The following GFRAL variants were observed in gnomAD, a reference collection of about 807,000 sequenced individuals.
The protein encoded by GFRAL is GDNF family receptor alpha like.
A neutral mutation model predicts 45.4 loss-of-function variants in GFRAL; 36 were observed. The observed-to-expected ratio is 0.79, with a 90% CI of 0.61 to 1.05. The LOEUF (loss-of-function observed/expected upper bound fraction) is 1.05, where lower values mean the gene tolerates loss of function less well. GFRAL is among the 50% of genes least tolerant of loss of function. The pLI is 0.00. For missense variants in GFRAL, 507 were observed against 467.5 expected (o/e 1.08, Z -0.78); for synonymous variants, 166 against 154.1 (o/e 1.08, Z -0.57).
intron 6 of GFRAL, among the ~76,000 whole-genome samples, chr6:55,393,855 A>G (rs2127366299): frequency 6.6e-6 from 1 of 152,288 alleles, no homozygotes; most frequent in East Asian, 1.9e-4. Flanking sequence ...TAATGATTTC[A>G]TTTGGATGTT....
intron 6 of GFRAL, among the ~76,000 whole-genome samples, chr6:55,378,580 C>T (rs1283307749): frequency 6.6e-6 from 1 of 151,994 alleles, no homozygotes; most frequent in Non-Finnish European, 1.5e-5. Flanking sequence ...GTGGTAGATA[C>T]TCTCTGCTGG....
rs749465199 is a variant in GFRAL, at chr6:55,359,162, C to G, written c.952+24C>G. 1.9e-6 allele frequency: 3 copies of G among 1,572,946 alleles called. No individual in the cohort carries two copies. In the African/African-American group the frequency reaches 4.4e-5, roughly 23 times the overall value. ...CAGTAAGTTCCCCAAATAAAATTAT[C>G]TGTCTATCTATCTATCTATCTATCA... is the stretch of plus-strand genomic sequence containing the variant. On this transcript the variant is annotated intron_variant, in intron 6 of 8. Coordinates refer to ENST00000340465, the MANE Select transcript of GFRAL (RefSeq NM_207410.2).
At chr6:55,378,929 A>C (rs1768570170) in intron 6 of GFRAL, among the ~76,000 whole-genome samples, 2 of 151,918 alleles carry the variant, frequency 1.3e-5, no homozygotes, top group South Asian at 4.1e-4. Flanking sequence ...TCATTTACTT[A>C]ACAGATCCGA....
At chr6:55,369,778 G>C (rs1036153600) in intron 6 of GFRAL, among the ~76,000 whole-genome samples, 1 of 152,058 alleles carries the variant, frequency 6.6e-6, no homozygotes. Context: ...AAATAATATG[G>C]AACATCTTTT....
At chr6:55,353,659 ACTACAT>A (rs1258959775) in intron 5 of GFRAL, among the ~76,000 whole-genome samples, 4 of 152,134 alleles carry the variant, frequency 2.6e-5, no homozygotes, top group Non-Finnish European at 5.9e-5. Context: ...TTAGAGAAAT[ACTACAT>A]TTCATTGATT....
At chr6:55,351,703 A>C in intron 5 of GFRAL, 120 bp downstream of exon 5, 1 of 635,000 alleles carries the variant, frequency 1.6e-6, no homozygotes, top group Non-Finnish European at 2.6e-6. Context: ...ACATAGTGTA[A>C]ATAAAACCAG....
chr6:55,364,622 G>A (rs1232885340), intron 6 of GFRAL, among the ~76,000 whole-genome samples: 1 of 148,348 alleles, frequency 6.7e-6, no homozygotes, highest in Non-Finnish European at 1.5e-5. Flanking sequence ...TGTATAAGGT[G>A]TAAGGAAGGG....
intron 6 of GFRAL, among the ~76,000 whole-genome samples, chr6:55,371,996 G>T (rs1281135427): frequency 6.6e-6 from 1 of 152,060 alleles, no homozygotes; most frequent in South Asian, 2.1e-4. Flanking sequence ...TGGCTTCTGG[G>T]TATAGATCCA....
chr6:55,334,325 A>G (rs1767866380), intron 3 of GFRAL, among the ~76,000 whole-genome samples: 2 of 152,202 alleles, frequency 1.3e-5, no homozygotes. Context: ...GAAGGCAAAT[A>G]AGATATTATC....
rs1768235416 is a variant in GFRAL at position 55,358,992 on chromosome 6, G to T, written c.806G>T (p.Cys269Phe). The change falls in exon 6 of 9, where the codon TGT becomes TTT. Residue 269 changes from cysteine (C) to phenylalanine (F), a missense_variant. Coordinates refer to ENST00000340465, the MANE Select transcript of GFRAL (RefSeq NM_207410.2). ...ISTLSKQDLTCSGSDDCKAAY... is the reference protein window; with the variant it reads ...ISTLSKQDLTFSGSDDCKAAY... ...ACCTTAAGCAAACAGGACCTCACTT[G>T]TTCAGGAAGTGATGACTGCAAAGCT... is the stretch of plus-strand genomic sequence containing the variant. 1 of 1,613,070 alleles carries T rather than the reference G, an allele frequency of 6.2e-7. No homozygotes were observed. Among genetic ancestry groups the T allele is most frequent in the Non-Finnish European group, 8.5e-7 (1 of 1,179,364 alleles).
At chr6:55,385,608 C>T (rs1404826939) in intron 6 of GFRAL, among the ~76,000 whole-genome samples, 1 of 152,006 alleles carries the variant, frequency 6.6e-6, no homozygotes, top group East Asian at 1.9e-4. Context: ...GTTTTTGGCA[C>T]CAGAAGCTGT....
chr6:55,357,482 C>T (rs1768210647), intron 5 of GFRAL, among the ~76,000 whole-genome samples: 1 of 151,546 alleles, frequency 6.6e-6, no homozygotes, highest in African/African-American at 2.4e-5. Flanking sequence ...TATAGCTACT[C>T]CTGCTTCTTT....
At chr6:55,345,705 A>G (rs1342200556) in intron 3 of GFRAL, among the ~76,000 whole-genome samples, 1 of 152,178 alleles carries the variant, frequency 6.6e-6, no homozygotes, top group Non-Finnish European at 1.5e-5. Flanking sequence ...GGATCTAATT[A>G]AACTAAAGAG....
Position 55,333,851 on chromosome 6 carries a change from G to T in GFRAL, c.223G>T (p.Glu75Ter), listed in dbSNP as rs780724484. The change falls in exon 3 of 9, where the codon GAA (glutamate) becomes TAA (stop). Residue 75 changes from glutamate to a stop codon, truncating the protein, a stop_gained. Coordinates refer to ENST00000340465, the MANE Select transcript of GFRAL (RefSeq NM_207410.2). LOFTEE classifies it high-confidence loss of function. ...TAACCTGAGTATCCAGTACTTAGTG[G>T]AAAGCAATTTCCAATTTAAAGAGTG... ...YCNLSIQYLV[E>*]SNFQFKECLC... 6.2e-7 allele frequency: 1 copy of T among 1,610,836 alleles called. No homozygotes were observed. Among genetic ancestry groups the T allele is most frequent in the East Asian group, 2.2e-5 (1 of 44,722 alleles).
At chr6:55,345,341 CAG>C (rs1485270258) in intron 3 of GFRAL, among the ~76,000 whole-genome samples, 1 of 152,144 alleles carries the variant, frequency 6.6e-6, no homozygotes, top group East Asian at 1.9e-4. Flanking sequence ...GGTACCAAAA[CAG>C]AGATATAGAC....
intron 6 of GFRAL, 44 bp downstream of exon 6, chr6:55,359,182 C>CTATT (rs766201491): frequency 2.0e-6 from 3 of 1,520,678 alleles, no homozygotes; most frequent in African/African-American, 2.8e-5. Context: ...ATCTATCTAT[C>CTATT]TATCATCTAT....
At chr6:55,367,731 G>T (rs1005321042) in intron 6 of GFRAL, among the ~76,000 whole-genome samples, 26 of 150,866 alleles carry the variant, frequency 1.7e-4, no homozygotes, top group East Asian at 1.2e-3. Context: ...GAAATTCTGG[G>T]TTGAAAATTC....
At chr6:55,363,115 T>G (rs1333958701) in intron 6 of GFRAL, among the ~76,000 whole-genome samples, 1 of 111,868 alleles carries the variant, frequency 8.9e-6, no homozygotes, top group African/African-American at 4.0e-5. Context: ...CTACAAGAGA[T>G]GGAAAACATA....
In GFRAL at chr6:55,382,491, G is replaced by T. The variant is rs140742850; in HGVS notation, c.953-16689G>T. ...GAATTCTAGATATTTCTTTGGGTTGGGTCCTCAGGGAAAAGTCAGTGTATT... is the reference window on the plus strand; with the variant it reads ...GAATTCTAGATATTTCTTTGGGTTGTGTCCTCAGGGAAAAGTCAGTGTATT... On this transcript the variant is annotated intron_variant, in intron 6 of 8. Coordinates refer to ENST00000340465, the MANE Select transcript of GFRAL (RefSeq NM_207410.2). 2.9e-3 allele frequency among the ~76,000 whole-genome samples: 441 copies of T among 151,730 alleles called. 1 individual carries two copies. The highest frequency in any genetic ancestry group is 0.01 in the African/African-American group (420 of 41,418).
Sources: gnomAD v4.1 joint callset for allele counts (sites outside exome capture counted in the v4.1 genomes callset) on GRCh38, gnomAD v4.1.1 for gene constraint, MANE v1.5 for transcripts, NCBI Gene and HGNC (gene_info 2026-07-23, HGNC 2026-07-21) for gene names.